The following MAP4K4 variants were observed in gnomAD, a reference collection of about 807,000 sequenced individuals.
MAP4K4 encodes HPK/GCK-like kinase HGK.
A neutral mutation model predicts 189.6 loss-of-function variants in MAP4K4; 38 were observed. The observed-to-expected ratio is 0.20, with a 90% CI of 0.15 to 0.26. The LOEUF (loss-of-function observed/expected upper bound fraction) is 0.26. Ranked by LOEUF, MAP4K4 falls within the 10% of genes least tolerant of loss-of-function variation. The pLI is 1.00. For synonymous variants in MAP4K4, 610 were observed against 624.3 expected (o/e 0.98, Z 0.34); for missense variants, 1,054 against 1,726.9 (o/e 0.61, Z 6.91).
intron 2 of MAP4K4, among the ~76,000 whole-genome samples, chr2:101,767,064 C>T (rs564000616): frequency 9.9e-4 from 151 of 152,252 alleles, no homozygotes; most frequent in African/African-American, 1.8e-3. Flanking sequence ...GGTCCCTTTC[C>T]GTAACTAATC....
At chr2:101,877,503 G>T (rs2098239374) in intron 27 of MAP4K4, among the ~76,000 whole-genome samples, 1 of 146,444 alleles carries the variant, frequency 6.8e-6, no homozygotes, top group African/African-American at 2.6e-5. Context: ...TTGAGACGGA[G>T]TCTTGCTGTG....
At chr2:101,842,385 C>T (rs903785611) in intron 10 of MAP4K4, among the ~76,000 whole-genome samples, 9 of 152,172 alleles carry the variant, frequency 5.9e-5, no homozygotes, top group East Asian at 5.8e-4. Flanking sequence ...GCTCGAATGC[C>T]GTGGAATCAG....
chr2:101,750,980 AT>A (rs1477134576), intron 2 of MAP4K4, among the ~76,000 whole-genome samples: 1 of 152,072 alleles, frequency 6.6e-6, no homozygotes, highest in Non-Finnish European at 1.5e-5. Context: ...TCTGTTTTGA[AT>A]TTGGGGACCA....
intron 2 of MAP4K4, among the ~76,000 whole-genome samples, chr2:101,751,284 T>C (rs2068803855): frequency 6.6e-6 from 1 of 152,206 alleles, no homozygotes; most frequent in Non-Finnish European, 1.5e-5. Context: ...GTGGAACATA[T>C]TCACTAGGAT....
chr2:101,754,945 T>G (rs2071518651), intron 2 of MAP4K4, among the ~76,000 whole-genome samples: 1 of 152,216 alleles, frequency 6.6e-6, no homozygotes, highest in African/African-American at 2.4e-5. Flanking sequence ...TTGTATGAGG[T>G]CTCACAATGG....
At chr2:101,824,328 G>A (rs1018952450) in intron 4 of MAP4K4, among the ~76,000 whole-genome samples, 1 of 152,112 alleles carries the variant, frequency 6.6e-6, no homozygotes, top group East Asian at 1.9e-4. Flanking sequence ...TAACCAAATA[G>A]CAAGGAAATT....
At chr2:101,785,315 C>G (rs963027161) in intron 2 of MAP4K4, among the ~76,000 whole-genome samples, 1 of 152,202 alleles carries the variant, frequency 6.6e-6, no homozygotes, top group African/African-American at 2.4e-5. Flanking sequence ...CGTGCACTTT[C>G]TTGCTAAGAT....
intron 13 of MAP4K4, 100 bp from the exon 14 acceptor site, chr2:101,858,896 C>A: frequency 1.3e-6 from 1 of 791,634 alleles, no homozygotes; most frequent in Non-Finnish European, 2.1e-6. Flanking sequence ...TGAATTGTCA[C>A]TAAAGGTGAT....
At position 101,855,896 on chromosome 2, in the gene MAP4K4, C is replaced by G. The variant is rs13407465; in HGVS notation, c.1234-81C>G. ...CCTCACCTCATTAGTGTCCACCTGG[C>G]ACTGACTGATCAGCACACTATAACA... is the stretch of plus-strand genomic sequence containing the variant. On this transcript the variant is annotated intron_variant, in intron 12 of 32. Transcript: ENST00000324219. The G allele has an allele frequency of 0.028, 38,827 of 1,370,924 alleles. 4,925 individuals carry two copies. In the African/African-American group the frequency reaches 0.37, roughly 13 times the overall value. 84.9% of individuals were successfully genotyped at this position (1,370,924 alleles called of 1,614,324 possible).
chr2:101,722,292 T>G (rs1181597879), intron 2 of MAP4K4, among the ~76,000 whole-genome samples: 1 of 152,230 alleles, frequency 6.6e-6, no homozygotes, highest in Non-Finnish European at 1.5e-5. Flanking sequence ...CTTTGAGCTT[T>G]TAAACCATTG....
chr2:101,892,008 AAAAAAAAGGAAAAAAAAAAAG>A (rs2098577664), exon 33 of MAP4K4: 1 of 150,962 alleles, frequency 6.6e-6, no homozygotes, highest in Non-Finnish European at 1.5e-5. Flanking sequence ...AAAAAAAAAA[AAAAAAAAGGAAAAAAAAAAAG>A]AAAAAGAAAA....
intron 12 of MAP4K4, among the ~76,000 whole-genome samples, chr2:101,853,024 T>C (rs969535493): frequency 6.6e-6 from 1 of 152,224 alleles, no homozygotes; most frequent in Non-Finnish European, 1.5e-5. Context: ...CCGTAGGATA[T>C]TGGAAGGATT....
intron 3 of MAP4K4, among the ~76,000 whole-genome samples, chr2:101,798,303 T>TTATATA (rs2094012610): frequency 6.6e-6 from 1 of 152,146 alleles, no homozygotes; most frequent in African/African-American, 2.4e-5. Flanking sequence ...ATATATGTCT[T>TTATATA]TACACTTAAA....
Position 101,729,845 on chromosome 2 carries a change from C to G in MAP4K4, c.123+31307C>G, listed in dbSNP as rs145672363. ...TCCTGTCTTCTCCATCTGACATACT[C>G]TGTTGGTTCTCTGGGTGTTTTCCTC... On this transcript the variant is annotated intron_variant, in intron 2 of 32. Transcript: ENST00000324219. Among the ~76,000 whole-genome samples the G allele has an allele frequency of 3.5e-3, 535 of 152,330 alleles. 2 individuals are homozygous for G. The highest frequency in any genetic ancestry group is 0.012 in the African/African-American group (517 of 41,576).
At chr2:101,770,962 C>G in intron 2 of MAP4K4, among the ~76,000 whole-genome samples, 1 of 152,162 alleles carries the variant, frequency 6.6e-6, no homozygotes, top group Non-Finnish European at 1.5e-5. Flanking sequence ...GTAGGCTCTA[C>G]CTGATTGATT....
chr2:101,705,356 A>G (rs2041754061), intron 2 of MAP4K4, among the ~76,000 whole-genome samples: 1 of 152,184 alleles, frequency 6.6e-6, no homozygotes, highest in African/African-American at 2.4e-5. Flanking sequence ...TGTCAGTCAT[A>G]CATTCTGTGT....
exon 14 of MAP4K4, chr2:101,859,042 T>C: frequency 6.2e-7 from 1 of 1,612,308 alleles, no homozygotes. Context: ...CACTTGGAAG[T>C]CCTTCAGCAG....
chr2:101,827,604 C>T lies in MAP4K4; in HGVS notation c.418-1900C>T, dbSNP rs139385042. Among the ~76,000 whole-genome samples, 56 of 152,272 alleles carry T rather than the reference C, an allele frequency of 3.7e-4. No individual in the cohort carries two copies. In the East Asian group the frequency reaches 0.01, roughly 28 times the overall value. ...TCTTGATCATTATGATCAGACCCTT[C>T]GAATGGGGAGGGTCCTGAGCAGGTA... On this transcript the variant is annotated intron_variant, in intron 5 of 32. Coordinates refer to ENST00000324219, the Ensembl canonical transcript of MAP4K4.
chr2:101,707,338 A>G (rs1269782311), intron 2 of MAP4K4, among the ~76,000 whole-genome samples: 1 of 151,164 alleles, frequency 6.6e-6, no homozygotes. Flanking sequence ...CCTCCCAAGT[A>G]GCTGGGACTG....
Sources: gnomAD v4.1 joint callset for allele counts (sites outside exome capture counted in the v4.1 genomes callset) on GRCh38, gnomAD v4.1.1 for gene constraint, MANE v1.5 for transcripts, NCBI Gene and HGNC (gene_info 2026-07-23, HGNC 2026-07-21) for gene names.